AGPAT3: variants seen among roughly 807,000 people sequenced by gnomAD.
The protein encoded by AGPAT3 is 1-acylglycerol-3-phosphate O-acyltransferase 3, also known as 1-acyl-sn-glycerol-3-phosphate acyltransferase gamma.
Under a neutral mutation model 47.3 loss-of-function variants are expected in AGPAT3, and 5 were observed. The observed-to-expected ratio is 0.11, with a 90% CI of 0.06 to 0.22. The LOEUF is 0.22. Ranked by LOEUF, AGPAT3 falls within the 10% of genes least tolerant of loss-of-function variation. AGPAT3 has a pLI of 1.00. For missense variants in AGPAT3, 315 were observed against 493.0 expected, an observed-to-expected ratio of 0.64 and a Z score of 3.42; for synonymous variants, 212 against 208.3, an observed-to-expected ratio of 1.02 and a Z score of -0.15.
At position 43,908,041 on chromosome 21, in the gene AGPAT3, C is replaced by T. The variant is rs549403001; in HGVS notation, c.-49+4022C>T. ...AGGGATGATGGTCTTCGGAGGAGGG[C>T]GCTGGCTCAGGCACCCCAGGGACGC... On this transcript the variant is annotated intron_variant, in intron 2 of 9. Transcript: ENST00000291572. The surrounding 1 kb of genome is among the most constrained non-coding windows in gnomAD (Gnocchi z 4.9). Among the ~76,000 whole-genome samples, 17 of 152,310 alleles carry T rather than the reference C, an allele frequency of 1.1e-4. No individual in the cohort carries two copies. Among genetic ancestry groups the T allele is most frequent in the African/African-American group, 3.1e-4 (13 of 41,564 alleles).
intron 7 of AGPAT3, among the ~76,000 whole-genome samples, chr21:43,973,686 G>A (rs1221367334): frequency 1.3e-5 from 2 of 152,224 alleles, no homozygotes; most frequent in South Asian, 2.1e-4. Flanking sequence ...TCACCGCTTC[G>A]CTGTTTGAGG....
At chr21:43,974,639 G>A (rs1237834684) in intron 7 of AGPAT3, among the ~76,000 whole-genome samples, 1 of 151,234 alleles carries the variant, frequency 6.6e-6, no homozygotes, top group African/African-American at 2.4e-5. Flanking sequence ...GATATGTGTG[G>A]TGTGGTGTGT....
rs768793227 is a variant in AGPAT3 at position 43,986,944 on chromosome 21, T to A, written c.*4552T>A. Among the ~76,000 whole-genome samples, 3 of 152,232 alleles carry A rather than the reference T, an allele frequency of 2.0e-5. No homozygotes were observed. The highest frequency in any genetic ancestry group is 4.4e-5 in the Non-Finnish European group (3 of 68,038). ...GCTTGTCGGGGTGAGGGCTGCTAACTTACACTTCAGAGGCCTGTGTCCCAA... is the reference window on the plus strand; with the variant it reads ...GCTTGTCGGGGTGAGGGCTGCTAACATACACTTCAGAGGCCTGTGTCCCAA... On this transcript the variant is annotated 3_prime_UTR_variant, in exon 10 of 10. Coordinates refer to ENST00000291572, the MANE Select transcript of AGPAT3 (RefSeq NM_020132.5).
At chr21:43,961,540 A>C (rs1401677738) in intron 3 of AGPAT3, among the ~76,000 whole-genome samples, 1 of 150,878 alleles carries the variant, frequency 6.6e-6, no homozygotes, top group Non-Finnish European at 1.5e-5. Flanking sequence ...GCGCGTATAC[A>C]CTTTGTCTCA....
chr21:43,982,293 T>C lies in AGPAT3; in HGVS notation c.1043-11T>C, dbSNP rs1196547293. On this transcript the variant is annotated splice_polypyrimidine_tract_variant and intron_variant, in intron 9 of 9. Coordinates refer to ENST00000291572, the MANE Select transcript of AGPAT3 (RefSeq NM_020132.5). This position sits in a 1 kb window ranked among gnomAD's most constrained non-coding sequence, Gnocchi z 6.2. Reference sequence around the variant, plus strand: ...CGTCTCACCTCTTCTCTCTCTCTCCTGTCTTGAAAGCTTCCTTTGGAGTTC... The same window carrying C: ...CGTCTCACCTCTTCTCTCTCTCTCCCGTCTTGAAAGCTTCCTTTGGAGTTC... The C allele has an allele frequency of 6.2e-7, 1 of 1,608,052 alleles. No homozygotes were observed.
chr21:43,881,719 A>G (rs2065753946), intron 1 of AGPAT3, among the ~76,000 whole-genome samples: 1 of 152,188 alleles, frequency 6.6e-6, no homozygotes, highest in South Asian at 2.1e-4. Flanking sequence ...GCAATGGCAC[A>G]GTCTTGGCCC....
intron 1 of AGPAT3, among the ~76,000 whole-genome samples, chr21:43,887,051 A>G (rs1052667974): frequency 6.6e-6 from 1 of 152,246 alleles, no homozygotes; most frequent in Non-Finnish European, 1.5e-5. Flanking sequence ...ACTAACTCAC[A>G]TTCCCACCAA....
At chr21:43,907,275 C>T (rs936679791) in intron 2 of AGPAT3, among the ~76,000 whole-genome samples, 4 of 152,234 alleles carry the variant, frequency 2.6e-5, no homozygotes, top group South Asian at 2.1e-4. Context: ...GCCCATCTGC[C>T]GGCCTCGGCC....
At chr21:43,888,904 G>A (rs924468067) in intron 1 of AGPAT3, among the ~76,000 whole-genome samples, 13 of 152,088 alleles carry the variant, frequency 8.5e-5, no homozygotes, top group African/African-American at 2.9e-4. Context: ...TGGGAGGATG[G>A]CTTGAACCCG....
At chr21:43,893,320 T>C (rs985697865) in intron 1 of AGPAT3, among the ~76,000 whole-genome samples, 20 of 152,206 alleles carry the variant, frequency 1.3e-4, no homozygotes, top group African/African-American at 3.9e-4. Flanking sequence ...CTTCACAGAA[T>C]TGAAGAGAGT....
At position 43,955,145 on chromosome 21, in the gene AGPAT3, G is replaced by A; in HGVS notation, c.-48-4489G>A. On this transcript the variant is annotated intron_variant, in intron 2 of 9. Transcript: ENST00000291572. The surrounding 1 kb of genome is among the most constrained non-coding windows in gnomAD (Gnocchi z 4.1). ...TGGGGGTCACTCAGCAGCCACGGAT[G>A]CGCCCTGGGTGCTGTCCCGGGGCCG... 7.8e-7 allele frequency: 1 copy of A among 1,277,616 alleles called. No homozygotes were observed. Among genetic ancestry groups the A allele is most frequent in the Non-Finnish European group, 1.0e-6 (1 of 981,414 alleles). 79.1% of individuals were successfully genotyped at this position (1,277,616 alleles called of 1,614,324 possible).
chr21:43,870,329 G>C (rs113007882), intron 1 of AGPAT3, among the ~76,000 whole-genome samples: 6 of 152,094 alleles, frequency 3.9e-5, no homozygotes, highest in African/African-American at 1.4e-4. Context: ...TATGTTTGTC[G>C]TGCAGTTCAG....
At chr21:43,958,973 T>C (rs2088654381) in intron 2 of AGPAT3, among the ~76,000 whole-genome samples, 2 of 147,402 alleles carry the variant, frequency 1.4e-5, no homozygotes, top group African/African-American at 5.0e-5. Flanking sequence ...GCGGTGTGTG[T>C]GGCATGTGTG....
intron 1 of AGPAT3, among the ~76,000 whole-genome samples, chr21:43,900,588 A>G (rs2086326211): frequency 6.6e-6 from 1 of 152,214 alleles, no homozygotes; most frequent in Non-Finnish European, 1.5e-5. Context: ...AGGGAGTTCC[A>G]TAAAGAAACA....
In AGPAT3 at chr21:43,970,721, T is replaced by C. The variant is rs1601459441; in HGVS notation, c.579T>C (p.Ala193=). The part of the protein sequence containing the change: ...TKHRVSMEVA[A]AKGLPVLKYH... ...ACCGCGTTAGCATGGAGGTGGCGGC[T>C]GCTAAGGGGCTTCCTGTCCTCAAGT... Residue 193 remains alanine, a synonymous_variant, in exon 6 of 10, where the codon GCT becomes GCC. Transcript: ENST00000291572. This position sits in a 1 kb window ranked among gnomAD's most constrained non-coding sequence, Gnocchi z 5.8. 6.2e-7 allele frequency: 1 copy of C among 1,613,506 alleles called. No homozygotes were observed. The highest frequency in any genetic ancestry group is 8.5e-7 in the Non-Finnish European group (1 of 1,179,574).
chr21:43,892,224 T>C (rs2086116844), intron 1 of AGPAT3, among the ~76,000 whole-genome samples: 1 of 151,826 alleles, frequency 6.6e-6, no homozygotes, highest in African/African-American at 2.4e-5. Flanking sequence ...GGAGAATCGC[T>C]TGAATCTGGG....
chr21:43,940,736 C>T (rs1413737087), intron 2 of AGPAT3, among the ~76,000 whole-genome samples: 1 of 152,220 alleles, frequency 6.6e-6, no homozygotes, highest in Non-Finnish European at 1.5e-5. Context: ...GCAGAAAATG[C>T]GTAGTTACCA....
chr21:43,935,190 C>A (rs920716931), intron 2 of AGPAT3, among the ~76,000 whole-genome samples: 1 of 152,286 alleles, frequency 6.6e-6, no homozygotes, highest in African/African-American at 2.4e-5. Flanking sequence ...CGCGCTAGCA[C>A]GCTTTGCTGT....
intron 2 of AGPAT3, among the ~76,000 whole-genome samples, chr21:43,913,219 T>G (rs1330611099): frequency 6.6e-6 from 1 of 152,212 alleles, no homozygotes; most frequent in Non-Finnish European, 1.5e-5. Context: ...GTTAGCCCTG[T>G]TTGCTAAATT....
Sources: gnomAD v4.1 joint callset for allele counts (sites outside exome capture counted in the v4.1 genomes callset) on GRCh38, gnomAD v4.1.1 for gene constraint, Gnocchi (gnomAD v3.1) non-coding constraint, MANE v1.5 for transcripts, NCBI Gene and HGNC (gene_info 2026-07-23, HGNC 2026-07-21) for gene names.